The following CAPN15 variants were observed in gnomAD, a reference collection of about 807,000 sequenced individuals.
CAPN15 encodes the protein calpain-15.
A neutral mutation model predicts 97.9 loss-of-function variants in CAPN15; 53 were observed. The ratio of observed to expected loss-of-function variants is 0.54; its 90% CI spans 0.43 to 0.68. The LOEUF (loss-of-function observed/expected upper bound fraction) is 0.68, where lower values mean the gene tolerates loss of function less well. Among genes scored for constraint, CAPN15 ranks in the 30% least tolerant of loss-of-function variants. The probability of loss-of-function intolerance (pLI) is 0.00; values close to 1 mark genes in which losing one functional copy is unlikely to be tolerated. For missense variants in CAPN15, 1,592 were observed against 1,589.8 expected, an observed-to-expected ratio of 1.00 and a Z score of -0.02; for synonymous variants, 922 against 722.5, an observed-to-expected ratio of 1.28 and a Z score of -4.43.
At chr16:544,869 TCCCCTCACGTCGTCGTCTC>T (rs2034473560) in intron 3 of CAPN15, among the ~76,000 whole-genome samples, 1 of 78,604 alleles carries the variant, frequency 1.3e-5, no homozygotes, top group African/African-American at 5.2e-5. Flanking sequence ...CCACGTCGCC[TCCCCTCACGTCGTCGTCTC>T]CCCCCACGTC....
intron 9 of CAPN15, 24 bp downstream of exon 9, chr16:551,688 G>A: frequency 6.3e-7 from 1 of 1,581,308 alleles, no homozygotes. Context: ...GGGGCGGTGT[G>A]CACGCCGCCC....
At chr16:542,894 A>AAT (rs1293576056) in intron 3 of CAPN15, among the ~76,000 whole-genome samples, 1 of 152,154 alleles carries the variant, frequency 6.6e-6, no homozygotes, top group Non-Finnish European at 1.5e-5. Context: ...TCTCTACTAA[A>AAT]ACAAAAATTA....
At chr16:542,061 G>A (rs1350028483) in intron 3 of CAPN15, among the ~76,000 whole-genome samples, 2 of 120,830 alleles carry the variant, frequency 1.7e-5, no homozygotes, top group Non-Finnish European at 3.8e-5. Context: ...GTGCGTGGAC[G>A]TGGGGCCACA....
chr16:542,116 C>T (rs2034160487), intron 3 of CAPN15, among the ~76,000 whole-genome samples: 1 of 152,268 alleles, frequency 6.6e-6, no homozygotes, highest in Non-Finnish European at 1.5e-5. Context: ...GCACCGTGCC[C>T]TCCAGATTCA....
chr16:550,941 TCCCCTGTCTGTGAGGG>T (rs1207772524), intron 7 of CAPN15, among the ~76,000 whole-genome samples: 1 of 65,250 alleles, frequency 1.5e-5, no homozygotes, highest in African/African-American at 8.5e-5. Context: ...TCGGTGAGGG[TCCCCTGTCTGTGAGGG>T]CCCCGGTCGG....
At chr16:542,707 C>T (rs1165727153) in intron 3 of CAPN15, among the ~76,000 whole-genome samples, 1 of 152,156 alleles carries the variant, frequency 6.6e-6, no homozygotes, top group East Asian at 1.9e-4. Context: ...CCCATCTCAG[C>T]CTCCCAAGTA....
chr16:547,658 GCC>G lies in CAPN15; in HGVS notation c.825_826del (p.Gln276GlyfsTer44). On this transcript the variant is annotated frameshift_variant, in exon 4 of 14. Coordinates refer to ENST00000219611, the MANE Select transcript of CAPN15 (RefSeq NM_005632.3). LOFTEE classifies it high-confidence loss of function. ...QPSPSAGCRG[A>X]PQGSGWAGAS... ...GTCACCCTCTGCCGGCTGCAGGGGA[GCC>G]CCCCAGGGCTCGGGCTGGGCTGGGG... 1 of 1,573,180 alleles carries G rather than the reference GCC, an allele frequency of 6.4e-7. No homozygotes were observed.
chr16:534,229 G>A (rs1026650413), intron 2 of CAPN15, among the ~76,000 whole-genome samples: 11 of 151,954 alleles, frequency 7.2e-5, no homozygotes, highest in South Asian at 4.1e-4. Flanking sequence ...CCGGGGTCCC[G>A]ACAGGGGTGT....
chr16:539,438 G>C (rs929101429), intron 3 of CAPN15: 1 of 152,312 alleles, frequency 6.6e-6, no homozygotes, highest in East Asian at 1.9e-4. Context: ...CTCAGCCAGA[G>C]GGGGTAAGGT....
At chr16:540,606 T>G (rs1009294611) in intron 3 of CAPN15, among the ~76,000 whole-genome samples, 2 of 152,196 alleles carry the variant, frequency 1.3e-5, no homozygotes, top group African/African-American at 4.8e-5. Flanking sequence ...GGCCCTGTGT[T>G]TCTCACAGGC....
At chr16:536,467 G>T in intron 3 of CAPN15, among the ~76,000 whole-genome samples, 1 of 151,518 alleles carries the variant, frequency 6.6e-6, no homozygotes, top group East Asian at 1.9e-4. Context: ...CTGTCGCCCC[G>T]GCTGGAGTGC....
rs374282048 is a variant in CAPN15 at position 549,007 on chromosome 16, C to T, written c.1464C>T (p.Phe488=). Residue 488 remains phenylalanine, a synonymous_variant, in exon 5 of 14, where the codon TTC becomes TTT. Coordinates refer to ENST00000219611, the MANE Select transcript of CAPN15 (RefSeq NM_005632.3). ...VAFCRENNVS[F]VDDSFPPGPE... ...GGTCTCTGCAGAACAATGTGAGCTT[C>T]GTGGATGACAGCTTCCCTCCCGGGC... The T allele has an allele frequency of 6.8e-6, 11 of 1,612,724 alleles. No individual in the cohort carries two copies. The East Asian group carries it at 8.9e-5, about 13-fold the overall frequency.
chr16:533,560 G>A (rs79547225), intron 1 of CAPN15, among the ~76,000 whole-genome samples: 3,632 of 152,314 alleles, frequency 0.024, 142 homozygotes, highest in African/African-American at 0.083. Context: ...CCTGGCTGGT[G>A]CTGCTCTGCA....
At chr16:551,007 TCCCCTGTCGGTGAGGG>T (rs2035007984) in intron 7 of CAPN15, among the ~76,000 whole-genome samples, 3 of 9,788 alleles carry the variant, frequency 3.1e-4, no homozygotes, top group African/African-American at 1.6e-3. Context: ...TCGGTGAGGG[TCCCCTGTCGGTGAGGG>T]CCCCGGTCGG....
In CAPN15 at chr16:547,862, A is replaced by G. The variant is rs1430054574; in HGVS notation, c.1024A>G (p.Thr342Ala). The change falls in exon 4 of 14, where the codon ACC becomes GCC. Residue 342 changes from threonine to alanine, a missense_variant. Thr to Ala is a moderately conservative substitution (Grantham distance 58). Transcript: ENST00000219611. The stretch of plus-strand genomic sequence containing the variant: ...CGCCAGCCCCTCCAGCCCCGACTTC[A>G]CCACCTGGTCATGTGCCAAGTGCAC... ...TPASPSSPDF[T>A]TWSCAKCTLR... The G allele has an allele frequency of 1.2e-6, 2 of 1,611,430 alleles. No individual in the cohort carries two copies. The highest frequency in any genetic ancestry group is 1.7e-6 in the Non-Finnish European group (2 of 1,179,418).
rs57117451 is a variant in CAPN15, at chr16:548,876, C to T, written c.1450-117C>T. On this transcript the variant is annotated intron_variant, in intron 4 of 13. Coordinates refer to ENST00000219611, the MANE Select transcript of CAPN15 (RefSeq NM_005632.3). Reference sequence around the variant, plus strand: ...AGGTCTGTGGCTGTCCACGCTCCACCCGTCCCTTTGGGGCTCAGGCAGTGC... The same window carrying T: ...AGGTCTGTGGCTGTCCACGCTCCACTCGTCCCTTTGGGGCTCAGGCAGTGC... 5,267 of 946,322 alleles carry T rather than the reference C, an allele frequency of 5.6e-3. 177 individuals are homozygous for T. The African/African-American group carries it at 0.072, about 13-fold the overall frequency. 58.6% of individuals were successfully genotyped at this position (946,322 alleles called of 1,614,324 possible). A position where few individuals can be genotyped will look rare whatever the true frequency, so the allele number is the denominator to read the frequency against.
chr16:538,194 T>C (rs1382940506), intron 3 of CAPN15: 2 of 152,182 alleles, frequency 1.3e-5, no homozygotes, highest in Non-Finnish European at 2.9e-5. Context: ...GAGTACAGGG[T>C]GGTCCCTGTG....
intron 3 of CAPN15, among the ~76,000 whole-genome samples, chr16:544,314 G>A (rs577056682): frequency 8.5e-5 from 13 of 152,152 alleles, no homozygotes; most frequent in African/African-American, 2.9e-4. Flanking sequence ...AGGTTGCGGG[G>A]CTGCCCCGGC....
In CAPN15 at chr16:547,853, C is replaced by T; in HGVS notation, c.1015C>T (p.Pro339Ser). 1 of 1,611,498 alleles carries T rather than the reference C, an allele frequency of 6.2e-7. No individual in the cohort carries two copies. The highest frequency in any genetic ancestry group is 8.5e-7 in the Non-Finnish European group (1 of 1,179,420). ...VRYTPASPSSPDFTTWSCAKC... is the reference protein window; with the variant it reads ...VRYTPASPSSSDFTTWSCAKC... The stretch of plus-strand genomic sequence containing the variant: ...TTACACGCCCGCCAGCCCCTCCAGC[C>T]CCGACTTCACCACCTGGTCATGTGC... Residue 339 changes from proline to serine, a missense_variant, in exon 4 of 14, where the codon CCC becomes TCC. Physicochemically the swap from Pro to Ser is moderately conservative, Grantham distance 74. Coordinates refer to ENST00000219611, the MANE Select transcript of CAPN15 (RefSeq NM_005632.3).
Sources: gnomAD v4.1 joint callset for allele counts (sites outside exome capture counted in the v4.1 genomes callset) on GRCh38, gnomAD v4.1.1 for gene constraint, MANE v1.5 for transcripts, NCBI Gene and HGNC (gene_info 2026-07-23, HGNC 2026-07-21) for gene names.